The following NOP56 variants were observed in gnomAD, a reference collection of about 807,000 sequenced individuals.
NOP56 encodes NOP56 ribonucleoprotein, also known as nucleolar protein 56.
NOP56 carries 31 observed loss-of-function variants against 58.3 expected under a neutral mutation model. The ratio of observed to expected loss-of-function variants is 0.53; its 90% CI spans 0.40 to 0.72. The LOEUF is 0.72. Among genes scored for constraint, NOP56 ranks in the 30% least tolerant of loss-of-function variants. The pLI, the probability that NOP56 is intolerant of heterozygous loss-of-function variation, is 0.00. For missense variants in NOP56, 669 were observed against 739.9 expected (o/e 0.90, Z 1.11); for synonymous variants, 313 against 282.8 (o/e 1.11, Z -1.07).
Position 2,652,910 on chromosome 20 carries a change from G to A in NOP56, c.72G>A (p.Glu24=), listed in dbSNP as rs748611802. The stretch of plus-strand genomic sequence containing the variant: ...TGCTGGCGCTGAAGGAAGTGGAGGA[G>A]ATCAGTCTGCTGCAGCCGCAGGTGG... ...YALLALKEVE[E]ISLLQPQVEE... The change falls in exon 2 of 12, where the codon GAG becomes GAA. Residue 24 remains glutamate, a synonymous_variant. Coordinates refer to ENST00000329276, the MANE Select transcript of NOP56 (RefSeq NM_006392.4). The A allele has an allele frequency of 6.2e-7, 1 of 1,607,544 alleles. No individual in the cohort carries two copies. Among genetic ancestry groups the A allele is most frequent in the Non-Finnish European group, 8.5e-7 (1 of 1,176,972 alleles).
In NOP56 at chr20:2,656,045, G is replaced by A. The variant is rs890134427; in HGVS notation, c.1010+11G>A. 6.2e-7 allele frequency: 1 copy of A among 1,614,010 alleles called. No homozygotes were observed. Among genetic ancestry groups the A allele is most frequent in the Non-Finnish European group, 8.5e-7 (1 of 1,180,038 alleles). ...AAAGGCCCTGTTCAGGTACCAGTGA[G>A]GGCACCTGCCCACAATCAGGTGCCA... On this transcript the variant is annotated intron_variant, in intron 8 of 11. Coordinates refer to ENST00000329276, the MANE Select transcript of NOP56 (RefSeq NM_006392.4).
In NOP56 at chr20:2,656,967, C is replaced by T. The variant is rs747860180; in HGVS notation, c.1281+72C>T. On this transcript the variant is annotated intron_variant, in intron 10 of 11. Coordinates refer to ENST00000329276, the MANE Select transcript of NOP56 (RefSeq NM_006392.4). Reference sequence around the variant, plus strand: ...AGGTGATGAACTGTCTGAGCCTGACCTTGTAGAATGGAGGCAAAAAAACTG... The same window carrying T: ...AGGTGATGAACTGTCTGAGCCTGACTTTGTAGAATGGAGGCAAAAAAACTG... The T allele has an allele frequency of 3.7e-6, 6 of 1,613,616 alleles. No homozygotes were observed. The South Asian group carries it at 5.5e-5, about 15-fold the overall frequency.
chr20:2,656,091 TTGGGGGATCACGGTGA>T (rs766038469), intron 8 of NOP56, 57 bp downstream of exon 8: 1 of 1,613,718 alleles, frequency 6.2e-7, no homozygotes, highest in Non-Finnish European at 8.5e-7. Context: ...CCACTGCTTG[TTGGGGGATCACGGTGA>T]TGGCTGACCA....
chr20:2,655,017 G>A, intron 5 of NOP56, 70 bp downstream of exon 5: 1 of 1,567,560 alleles, frequency 6.4e-7, no homozygotes, highest in Non-Finnish European at 8.7e-7. Flanking sequence ...GAGTCTTGAT[G>A]AGGACTGACC....
At chr20:2,655,276 G>T in intron 5 of NOP56, 49 bp from the exon 6 acceptor site, 1 of 1,608,108 alleles carries the variant, frequency 6.2e-7, no homozygotes, top group South Asian at 1.1e-5. Context: ...GTAGCTCTAT[G>T]GTTTTTGATG....
intron 3 of NOP56, 135 bp from the exon 4 acceptor site, chr20:2,654,279 C>A: frequency 1.1e-6 from 1 of 908,294 alleles, no homozygotes. Flanking sequence ...CTCCATGTCT[C>A]TGAGCAATGC....
In NOP56 at chr20:2,653,299, C is replaced by G. The variant is rs1360840994; in HGVS notation, c.114C>G (p.Asn38Lys). ...LQPQVEESVL[N>K]LGKFHSIVRL... ...CCCAGGTGGAGGAGTCTGTGCTCAA[C>G]CTGGGCAAATTCCACAGCATCGTTC... Residue 38 changes from asparagine (N) to lysine (K), a missense_variant, in exon 3 of 12, where the codon AAC becomes AAG. By Grantham distance (94) the Asn-to-Lys change is moderately conservative. Coordinates refer to ENST00000329276, the MANE Select transcript of NOP56 (RefSeq NM_006392.4). 4 of 1,614,126 alleles carry G rather than the reference C, an allele frequency of 2.5e-6. No individual in the cohort carries two copies. The highest frequency in any genetic ancestry group is 1.7e-5 in the Admixed American group (1 of 60,020).
intron 6 of NOP56, 25 bp from the exon 7 acceptor site, chr20:2,655,570 T>TG (rs1472789369): frequency 6.2e-7 from 1 of 1,614,060 alleles, no homozygotes; most frequent in African/African-American, 1.3e-5. Flanking sequence ...GCTGGCCTCT[T>TG]GCATTCACAC....
intron 3 of NOP56, chr20:2,653,853 C>T (rs950791567): frequency 1.6e-4 from 42 of 270,224 alleles, no homozygotes; most frequent in Non-Finnish European, 2.8e-4. Flanking sequence ...CGGGGTTTCA[C>T]CATGTTGGCC....
At chr20:2,653,563 A>G in intron 3 of NOP56, 170 bp downstream of exon 3, 2 of 619,508 alleles carry the variant, frequency 3.2e-6, no homozygotes, top group Non-Finnish European at 5.8e-6. Flanking sequence ...CACAGAGCTC[A>G]AGGTCTGGGA....
intron 4 of NOP56, 61 bp from the exon 5 acceptor site, chr20:2,654,687 GC>G: frequency 1.2e-6 from 2 of 1,606,740 alleles, no homozygotes; most frequent in Non-Finnish European, 1.7e-6. Context: ...CTGGGCTGGT[GC>G]CCGTGGGTGC....
At chr20:2,657,398 C>T (rs911446606) in intron 11 of NOP56, 180 bp downstream of exon 11, 35 of 932,660 alleles carry the variant, frequency 3.8e-5, no homozygotes, top group Non-Finnish European at 5.8e-5. Flanking sequence ...TGAACTTGCT[C>T]AAGAGCCCAG....
chr20:2,653,641 G>A (rs1600155461), intron 3 of NOP56: 1 of 338,878 alleles, frequency 3.0e-6, no homozygotes, highest in Non-Finnish European at 5.5e-6. Context: ...TGTGGGCACT[G>A]TAGTGACAAA....
Position 2,658,300 on chromosome 20 carries a change from A to C in NOP56, c.*6A>C, listed in dbSNP as rs774105628. On this transcript the variant is annotated 3_prime_UTR_variant, in exon 12 of 12. Transcript: ENST00000329276. ...AAGCATCCCAGGAAGATTAGAATGC[A>C]AATGGACATTCTCTGGGAGGTGGGG... 3.8e-6 allele frequency: 6 copies of C among 1,598,944 alleles called. No individual in the cohort carries two copies. The highest frequency in any genetic ancestry group is 5.1e-6 in the Non-Finnish European group (6 of 1,172,610).
At chr20:2,653,895 C>T in intron 3 of NOP56, 2 of 313,344 alleles carry the variant, frequency 6.4e-6, no homozygotes, top group South Asian at 2.7e-5. Flanking sequence ...CCTCGTGATC[C>T]GCCCGCCTCG....
Position 2,657,922 on chromosome 20 carries a change from C to T in NOP56, c.1420-7C>T, listed in dbSNP as rs201371052. 3.2e-5 allele frequency: 51 copies of T among 1,575,616 alleles called. No homozygotes were observed. The highest frequency in any genetic ancestry group is 1.7e-4 in the Middle Eastern group (1 of 5,878). ...CTCACAGCCTGTTCCCCTGTCCTTC[C>T]CTTTAGGAGATGAGTGAAAAACCCA... On this transcript the variant is annotated splice_polypyrimidine_tract_variant and splice_region_variant and intron_variant, in intron 11 of 11. Coordinates refer to ENST00000329276, the MANE Select transcript of NOP56 (RefSeq NM_006392.4).
chr20:2,654,679 G>T (rs2086794433), intron 4 of NOP56, 70 bp from the exon 5 acceptor site: 13 of 1,606,106 alleles, frequency 8.1e-6, no homozygotes, highest in Non-Finnish European at 1.1e-5. Flanking sequence ...CCTTCAGGCT[G>T]GGCTGGTGCC....
At chr20:2,653,817 G>A (rs1274511430) in intron 3 of NOP56, 5 of 258,290 alleles carry the variant, frequency 1.9e-5, no homozygotes, top group African/African-American at 8.9e-5. Flanking sequence ...CACCACACCC[G>A]GCTAATTTTG....
At chr20:2,657,254 G>A (rs1568543824) in intron 11 of NOP56, 36 bp downstream of exon 11, 4 of 1,613,520 alleles carry the variant, frequency 2.5e-6, no homozygotes, top group Non-Finnish European at 3.4e-6. Flanking sequence ...GAGATCCTAG[G>A]TTGTAGGATT....
Sources: allele counts gnomAD v4.1 joint callset, GRCh38; gene constraint gnomAD v4.1.1; transcripts MANE v1.5; gene names NCBI Gene and HGNC (gene_info 2026-07-23, HGNC 2026-07-21).